The following UBAP2 variants were observed in gnomAD, a reference collection of about 807,000 sequenced individuals.
UBAP2 encodes the protein ubiquitin-associated protein 2.
UBAP2 carries 75 observed loss-of-function variants against 139.6 expected under a neutral mutation model. The ratio of observed to expected loss-of-function variants is 0.54; its 90% CI spans 0.45 to 0.65. The LOEUF is 0.65. Ranked by LOEUF, UBAP2 falls within the 30% of genes least tolerant of loss-of-function variation. The pLI, the probability that UBAP2 is intolerant of heterozygous loss-of-function variation, is 0.00. For missense variants in UBAP2, 1,368 were observed against 1,369.6 expected (o/e 1.00, Z 0.02); for synonymous variants, 526 against 526.2 (o/e 1.00, Z 0.01).
intron 1 of UBAP2, among the ~76,000 whole-genome samples, chr9:34,040,476 T>C (rs1317493051): frequency 6.6e-6 from 1 of 152,136 alleles, no homozygotes; most frequent in Non-Finnish European, 1.5e-5. Flanking sequence ...GGTTAGCTGA[T>C]GGCTCACTCC....
intron 1 of UBAP2, among the ~76,000 whole-genome samples, chr9:34,036,050 A>T (rs1167381377): frequency 6.6e-6 from 1 of 152,092 alleles, no homozygotes; most frequent in Non-Finnish European, 1.5e-5. Context: ...AATAAAACTA[A>T]ACTCTGAATA....
At chr9:34,024,145 G>T (rs935807378) in intron 1 of UBAP2, among the ~76,000 whole-genome samples, 8 of 151,960 alleles carry the variant, frequency 5.3e-5, no homozygotes, top group African/African-American at 1.9e-4. Flanking sequence ...GATCACCTGA[G>T]GTCGGGAGTT....
At chr9:34,032,690 G>A (rs71521206) in intron 1 of UBAP2, among the ~76,000 whole-genome samples, 19,366 of 152,092 alleles carry the variant, frequency 0.13, 1,574 homozygotes, top group African/African-American at 0.22. Flanking sequence ...TTGGGAGGCC[G>A]AGGCAGGCGG....
chr9:33,956,057 T>C (rs747841926), intron 11 of UBAP2, 22 bp downstream of exon 11: 4 of 1,590,376 alleles, frequency 2.5e-6, no homozygotes, highest in Non-Finnish European at 2.6e-6. Flanking sequence ...ATAACAAATA[T>C]AAGATGGCAA....
At chr9:33,960,054 T>C (rs540001313) in intron 10 of UBAP2, among the ~76,000 whole-genome samples, 1 of 152,182 alleles carries the variant, frequency 6.6e-6, no homozygotes, top group African/African-American at 2.4e-5. Context: ...CTTAGCCTCC[T>C]GAGTAGCTGA....
chr9:33,986,178 A>G (rs834028), intron 6 of UBAP2, among the ~76,000 whole-genome samples: 4,681 of 151,996 alleles, frequency 0.031, 158 homozygotes, highest in East Asian at 0.087. Flanking sequence ...TTAGCCTCTC[A>G]AGTAGCTGGG....
At position 34,017,123 on chromosome 9, in the gene UBAP2, T is replaced by C. The variant is rs770610169; in HGVS notation, c.26A>G (p.His9Arg). The C allele has an allele frequency of 1.2e-6, 2 of 1,610,188 alleles. No individual in the cohort carries two copies. The highest frequency in any genetic ancestry group is 1.1e-5 in the South Asian group (1 of 90,102). MMTSVSSD[H>R]CRGAREKPQI... ...TGGTTTTTCCCGAGCACCTCGACAATGGTCACTGCTCACTGAAGTCATCAT... is the reference window on the plus strand; with the variant it reads ...TGGTTTTTCCCGAGCACCTCGACAACGGTCACTGCTCACTGAAGTCATCAT... Residue 9 changes from histidine to arginine, a missense_variant, in exon 2 of 29, where the codon CAT (histidine) becomes CGT (arginine). Transcript: ENST00000379238.
chr9:34,022,530 G>C (rs1825050975), intron 1 of UBAP2, among the ~76,000 whole-genome samples: 1 of 149,544 alleles, frequency 6.7e-6, no homozygotes, highest in African/African-American at 2.5e-5. Flanking sequence ...CTGCCTTCCA[G>C]GTTCAAGTGA....
At chr9:33,970,041 C>T (rs920507467) in intron 8 of UBAP2, among the ~76,000 whole-genome samples, 1 of 148,014 alleles carries the variant, frequency 6.8e-6, no homozygotes, top group African/African-American at 2.5e-5. Context: ...GTGATCCTCC[C>T]ACCTCAGCAT....
intron 2 of UBAP2, among the ~76,000 whole-genome samples, chr9:34,001,462 T>A (rs1224398721): frequency 6.6e-6 from 1 of 152,216 alleles, no homozygotes. Context: ...AAAACTAGAC[T>A]TAGAGTCACA....
chr9:33,967,377 A>G (rs1016637407), intron 8 of UBAP2, among the ~76,000 whole-genome samples: 1 of 152,198 alleles, frequency 6.6e-6, no homozygotes. Flanking sequence ...CAGTGACCGC[A>G]TGTGTTTTTA....
chr9:33,989,941 T>G (rs757020874), intron 4 of UBAP2, among the ~76,000 whole-genome samples: 1 of 152,106 alleles, frequency 6.6e-6, no homozygotes, highest in Non-Finnish European at 1.5e-5. Context: ...TTTAAAAAAT[T>G]TATAAAGCAC....
rs57984537 is a variant in UBAP2 at position 33,955,181 on chromosome 9, C to CAA, written c.866+896_866+897dup. On this transcript the variant is annotated intron_variant, in intron 11 of 28. Transcript: ENST00000379238. The stretch of plus-strand genomic sequence containing the variant: ...ATACAATGTATTAAGTTCATTCTGT[C>CAA]AAAAAAAAAAAAAAACAGGTCTACA... Among the ~76,000 whole-genome samples the CAA allele has an allele frequency of 7.0e-3, 853 of 122,062 alleles. 6 individuals carry two copies. The highest frequency in any genetic ancestry group is 0.023 in the African/African-American group (749 of 32,532). The allele number at this position is 122,062 out of a possible 152,430, so 80.1% of individuals were successfully genotyped here.
intron 4 of UBAP2, chr9:33,995,537 T>TA (rs1311734955): frequency 6.6e-4 from 40 of 60,822 alleles, no homozygotes; most frequent in East Asian, 1.4e-3. Flanking sequence ...ATATTTATAT[T>TA]ATTAAATATA....
At chr9:33,956,536 C>T (rs1826581430) in intron 10 of UBAP2, among the ~76,000 whole-genome samples, 1 of 151,928 alleles carries the variant, frequency 6.6e-6, no homozygotes, top group African/African-American at 2.4e-5. Flanking sequence ...GCCATGTTGC[C>T]CAGGATAATC....
At chr9:33,951,173 C>T (rs1296881123) in intron 12 of UBAP2, among the ~76,000 whole-genome samples, 1 of 151,990 alleles carries the variant, frequency 6.6e-6, no homozygotes, top group Admixed American at 6.6e-5. Flanking sequence ...AGGGCATGTG[C>T]CATGACAACC....
At chr9:33,940,969 G>A (rs1193499976) in intron 16 of UBAP2, among the ~76,000 whole-genome samples, 1 of 152,122 alleles carries the variant, frequency 6.6e-6, no homozygotes, top group African/African-American at 2.4e-5. Flanking sequence ...GTATCTCCAA[G>A]GTATGCCTGT....
chr9:33,960,901 A>G (rs748483910), intron 9 of UBAP2, 23 bp from the exon 10 acceptor site: 1 of 1,612,954 alleles, frequency 6.2e-7, no homozygotes, highest in African/African-American at 1.3e-5. Context: ...AACAGCAATC[A>G]AAGTTTATAC....
rs753186592 is a variant in UBAP2 at position 33,998,852 on chromosome 9, G to C, written c.112C>G (p.Gln38Glu). 1.2e-6 allele frequency: 2 copies of C among 1,610,466 alleles called. No individual in the cohort carries two copies. The highest frequency in any genetic ancestry group is 3.3e-5 in the Admixed American group (2 of 59,874). The change falls in exon 3 of 29, where the codon CAG becomes GAG. Residue 38 changes from glutamine (Q) to glutamate (E), a missense_variant. Physicochemically the swap from Gln to Glu is conservative, Grantham distance 29 (BLOSUM62 2). Transcript: ENST00000379238. ...QKQVVQATAE[Q>E]MRLAQVIFDK... ...AAGATCACTTGAGCGAGACGCATCT[G>C]TTCAGCTGTTGCCTGGAAAGTACAT...
Sources: gnomAD v4.1 joint callset for allele counts (sites outside exome capture counted in the v4.1 genomes callset) on GRCh38, gnomAD v4.1.1 for gene constraint, MANE v1.5 for transcripts, NCBI Gene and HGNC (gene_info 2026-07-23, HGNC 2026-07-21) for gene names.